The following PHACTR1 variants were observed in gnomAD, a reference collection of about 807,000 sequenced individuals.
The protein encoded by PHACTR1 is phosphatase and actin regulator 1, also known as RPEL repeat containing 1.
PHACTR1 carries 16 observed loss-of-function variants against 69.2 expected under a neutral mutation model. The ratio of observed to expected loss-of-function variants is 0.23; its 90% confidence interval spans 0.16 to 0.35. PHACTR1 has a LOEUF of 0.35. Ranked by LOEUF, PHACTR1 falls within the 10% of genes least tolerant of loss-of-function variation. PHACTR1 has a pLI of 1.00. For synonymous variants in PHACTR1, 312 were observed against 284.5 expected, an observed-to-expected ratio of 1.10 and a Z score of -0.97; for missense variants, 510 against 734.7, an observed-to-expected ratio of 0.69 and a Z score of 3.54.
At chr6:12,956,387 T>A (rs974620748) in intron 4 of PHACTR1, among the ~76,000 whole-genome samples, 1 of 152,208 alleles carries the variant, frequency 6.6e-6, no homozygotes, top group South Asian at 2.1e-4. Flanking sequence ...TGTTTGAACA[T>A]GCTTGCTCCT....
chr6:12,936,736 C>A (rs1789492788), intron 4 of PHACTR1, among the ~76,000 whole-genome samples: 2 of 152,200 alleles, frequency 1.3e-5, no homozygotes, highest in African/African-American at 4.8e-5. Context: ...GCAAGCAGGT[C>A]AAGAATTAGC....
chr6:12,793,758 C>T (rs1376812514), intron 4 of PHACTR1, among the ~76,000 whole-genome samples: 1 of 152,154 alleles, frequency 6.6e-6, no homozygotes. Flanking sequence ...TCTGAATCAG[C>T]CTTTTGAAAT....
chr6:12,743,589 A>G (rs1039262753), intron 3 of PHACTR1, among the ~76,000 whole-genome samples: 8 of 152,182 alleles, frequency 5.3e-5, no homozygotes, highest in African/African-American at 1.7e-4. Flanking sequence ...TTAGGGATCA[A>G]TGCAACAAGA....
chr6:13,035,739 G>T (rs1055031370), intron 4 of PHACTR1, among the ~76,000 whole-genome samples: 3 of 152,048 alleles, frequency 2.0e-5, no homozygotes, highest in African/African-American at 7.2e-5. Context: ...TAGGTCATGG[G>T]ACTCATGACT....
chr6:12,937,126 A>T (rs1789544447), intron 4 of PHACTR1, among the ~76,000 whole-genome samples: 1 of 152,162 alleles, frequency 6.6e-6, no homozygotes, highest in South Asian at 2.1e-4. Context: ...TTAAGACTTC[A>T]CTGATCTAAC....
chr6:13,014,826 T>C (rs1269202562), intron 4 of PHACTR1, among the ~76,000 whole-genome samples: 2 of 152,194 alleles, frequency 1.3e-5, no homozygotes, highest in Non-Finnish European at 2.9e-5. Context: ...AGTGAAGGCG[T>C]GCCGGGCTGC....
chr6:13,206,210 A>G (rs1157860909), intron 8 of PHACTR1, 74 bp downstream of exon 8: 2 of 1,387,866 alleles, frequency 1.4e-6, no homozygotes, highest in Non-Finnish European at 1.9e-6. Flanking sequence ...GATTTGGACC[A>G]TGACTTAGGA....
At chr6:12,933,084 C>T (rs9473018) in intron 4 of PHACTR1, among the ~76,000 whole-genome samples, 4,201 of 151,810 alleles carry the variant, frequency 0.028, 184 homozygotes, top group African/African-American at 0.095. Context: ...TACAGGCACG[C>T]GCCACCAAGC....
chr6:13,075,603 G>A (rs1373576769), intron 5 of PHACTR1, among the ~76,000 whole-genome samples: 2 of 152,132 alleles, frequency 1.3e-5, no homozygotes, highest in Admixed American at 6.6e-5. Context: ...TGAAGACAAC[G>A]AGTCCAATAC....
intron 4 of PHACTR1, among the ~76,000 whole-genome samples, chr6:12,844,207 C>T (rs1244425721): frequency 6.6e-6 from 1 of 152,044 alleles, no homozygotes; most frequent in Non-Finnish European, 1.5e-5. Flanking sequence ...TCAGCCTGGG[C>T]AACATAGCAA....
intron 8 of PHACTR1, among the ~76,000 whole-genome samples, chr6:13,223,678 T>C (rs1367021346): frequency 6.6e-6 from 1 of 152,178 alleles, no homozygotes; most frequent in Non-Finnish European, 1.5e-5. Flanking sequence ...TTCAAGCCCT[T>C]CCTTTACCAA....
intron 4 of PHACTR1, among the ~76,000 whole-genome samples, chr6:12,953,402 T>C (rs1441369647): frequency 2.6e-5 from 4 of 152,344 alleles, no homozygotes; most frequent in African/African-American, 9.6e-5. Flanking sequence ...GCTAGTTTTC[T>C]ATTTTCCCAG....
In PHACTR1 at chr6:12,908,995, G is replaced by A. The variant is rs559346731; in HGVS notation, c.251-144370G>A. Among the ~76,000 whole-genome samples the A allele has an allele frequency of 4.6e-5, 7 of 152,232 alleles. No individual in the cohort carries two copies. The East Asian group carries it at 5.8e-4, about 13-fold the overall frequency. On this transcript the variant is annotated intron_variant, in intron 4 of 14. Transcript: ENST00000332995. ...AGAGAAGAAGATGGCATGAGGAGAC[G>A]GTGGGGGGAAACAGAAATGATCAGT... is the stretch of plus-strand genomic sequence containing the variant.
chr6:12,774,384 T>TTGC (rs1051921737), intron 4 of PHACTR1, among the ~76,000 whole-genome samples: 2 of 151,672 alleles, frequency 1.3e-5, no homozygotes, highest in Non-Finnish European at 2.9e-5. Context: ...TTGGCTTTTG[T>TTGC]TGTTGTTGTT....
chr6:13,009,875 A>G lies in PHACTR1; in HGVS notation c.251-43490A>G, dbSNP rs998364432. On this transcript the variant is annotated intron_variant, in intron 4 of 14. Coordinates refer to ENST00000332995, the MANE Select transcript of PHACTR1 (RefSeq NM_030948.6). Reference sequence around the variant, plus strand: ...TCCCTACACTGCCACCACCACCACCACCACCACCACCACCACCCTCTGCCC... The same window carrying G: ...TCCCTACACTGCCACCACCACCACCGCCACCACCACCACCACCCTCTGCCC... 2.1e-5 allele frequency among the ~76,000 whole-genome samples: 3 copies of G among 145,050 alleles called. No individual in the cohort carries two copies. The East Asian group carries it at 6.2e-4, about 30-fold the overall frequency.
At chr6:12,763,738 A>C (rs1177396529) in intron 4 of PHACTR1, among the ~76,000 whole-genome samples, 1 of 152,186 alleles carries the variant, frequency 6.6e-6, no homozygotes, top group East Asian at 1.9e-4. Context: ...TTTATACACA[A>C]ATATGAATGT....
At chr6:13,247,524 T>G (rs1399186512) in intron 10 of PHACTR1, among the ~76,000 whole-genome samples, 1 of 152,132 alleles carries the variant, frequency 6.6e-6, no homozygotes, top group Non-Finnish European at 1.5e-5. Flanking sequence ...TTTTGTATTT[T>G]TAGTAGACAC....
At chr6:13,012,891 T>C (rs1799601816) in intron 4 of PHACTR1, among the ~76,000 whole-genome samples, 1 of 152,216 alleles carries the variant, frequency 6.6e-6, no homozygotes, top group African/African-American at 2.4e-5. Flanking sequence ...TTGTTCTGCA[T>C]GGTTTGTTAA....
chr6:13,107,313 T>G (rs987381104), intron 5 of PHACTR1, among the ~76,000 whole-genome samples: 3 of 152,214 alleles, frequency 2.0e-5, no homozygotes, highest in Admixed American at 1.3e-4. Context: ...GGTCTCGCTA[T>G]GTTGCCAGGG....
Sources: gnomAD v4.1 joint callset for allele counts (sites outside exome capture counted in the v4.1 genomes callset) on GRCh38, gnomAD v4.1.1 for gene constraint, MANE v1.5 for transcripts, NCBI Gene and HGNC (gene_info 2026-07-23, HGNC 2026-07-21) for gene names.